The following RPP30 variants were observed in gnomAD, a reference collection of about 807,000 sequenced individuals.
RPP30 encodes ribonuclease P/MRP subunit p30.
A neutral mutation model predicts 38.6 loss-of-function variants in RPP30; 36 were observed. That is an observed-to-expected ratio of 0.93 (90% CI 0.71 to 1.23). The LOEUF (loss-of-function observed/expected upper bound fraction) is 1.23, where lower values mean the gene tolerates loss of function less well. Ranked by LOEUF, RPP30 falls within the 50% of genes most tolerant of loss-of-function variation. RPP30 has a pLI of 0.00. For synonymous variants in RPP30, 126 were observed against 112.7 expected (o/e 1.12, Z -0.75); for missense variants, 321 against 321.7 (o/e 1.00, Z 0.02).
At chr10:90,879,188 T>A in intron 5 of RPP30, 54 bp downstream of exon 5, 3 of 1,385,396 alleles carry the variant, frequency 2.2e-6, no homozygotes, top group Non-Finnish European at 3.1e-6. Context: ...ATAAGAAGTC[T>A]GATGTTCTGA....
intron 6 of RPP30, among the ~76,000 whole-genome samples, chr10:90,892,504 C>G (rs570052840): frequency 6.6e-6 from 1 of 151,996 alleles, no homozygotes; most frequent in African/African-American, 2.4e-5. Flanking sequence ...CCCCTCCCCC[C>G]GCAAAAGTTG....
At chr10:90,902,290 T>C, downstream of RPP30, 1 of 417,130 alleles carries the variant, frequency 2.4e-6, no homozygotes, top group Non-Finnish European at 4.1e-6. Flanking sequence ...CAATCTCGGC[T>C]CACTGCAACC....
At chr10:90,882,397 C>G (rs1393991093) in intron 5 of RPP30, among the ~76,000 whole-genome samples, 2 of 152,164 alleles carry the variant, frequency 1.3e-5, no homozygotes, top group Admixed American at 6.5e-5. Flanking sequence ...TTAAATGGGC[C>G]AGGCATGGTG....
At chr10:90,894,528 C>G (rs2120223841) in intron 6 of RPP30, among the ~76,000 whole-genome samples, 1 of 152,294 alleles carries the variant, frequency 6.6e-6, no homozygotes, top group South Asian at 2.1e-4. Flanking sequence ...CTTCATAATT[C>G]CTGTTTATGT....
intron 5 of RPP30, among the ~76,000 whole-genome samples, chr10:90,885,248 T>C (rs1238272060): frequency 6.6e-6 from 1 of 152,226 alleles, no homozygotes; most frequent in Non-Finnish European, 1.5e-5. Flanking sequence ...TTGTAGTAGC[T>C]CTGCTTTAAC....
At position 90,885,041 on chromosome 10, in the gene RPP30, G is replaced by A. The variant is rs944177522; in HGVS notation, c.343-771G>A. Among the ~76,000 whole-genome samples the A allele has an allele frequency of 2.0e-5, 3 of 151,960 alleles. No homozygotes were observed. The South Asian group carries it at 6.2e-4, about 32-fold the overall frequency. On this transcript the variant is annotated intron_variant, in intron 5 of 10. Coordinates refer to ENST00000371703, the MANE Select transcript of RPP30 (RefSeq NM_006413.5). ...CCTCTACACTAGTAACCTTTTCCCAGCTTTATTTTTCTTCCCTGATTTTCC... is the reference window on the plus strand; with the variant it reads ...CCTCTACACTAGTAACCTTTTCCCAACTTTATTTTTCTTCCCTGATTTTCC...
chr10:90,900,367 G>A (rs1049856386), intron 10 of RPP30, among the ~76,000 whole-genome samples: 2 of 152,202 alleles, frequency 1.3e-5, no homozygotes, highest in Non-Finnish European at 2.9e-5. Context: ...GTAATCTTTA[G>A]GAATGAATTA....
At chr10:90,894,559 C>G (rs1483949605) in intron 6 of RPP30, among the ~76,000 whole-genome samples, 1 of 152,182 alleles carries the variant, frequency 6.6e-6, no homozygotes, top group Admixed American at 6.6e-5. Context: ...TCCCCACAGC[C>G]AAGTTAAACT....
chr10:90,872,012 T>C lies in RPP30; in HGVS notation c.26T>C (p.Leu9Pro). The C allele has an allele frequency of 1.2e-6, 2 of 1,614,152 alleles. No homozygotes were observed. Among genetic ancestry groups the C allele is most frequent in the South Asian group, 1.1e-5 (1 of 91,082 alleles). ...ATGGCGGTGTTTGCAGATTTGGACC[T>C]GCGAGCGGGTTCTGACCTGAAGGCT... MAVFADLD[L>P]RAGSDLKALR... Residue 9 changes from leucine (L) to proline (P), a missense_variant, in exon 1 of 11, where the codon CTG (leucine) becomes CCG (proline). By Grantham distance (98) the Leu-to-Pro change is moderately conservative. Transcript: ENST00000371703.
downstream of RPP30, among the ~76,000 whole-genome samples, chr10:90,903,921 A>T (rs1019183269): frequency 3.9e-5 from 6 of 152,240 alleles, no homozygotes; most frequent in African/African-American, 7.2e-5. Context: ...AATACATGGA[A>T]AGAGACATTC....
At chr10:90,879,199 C>T (rs1846891798) in intron 5 of RPP30, 65 bp downstream of exon 5, 4 of 1,289,762 alleles carry the variant, frequency 3.1e-6, no homozygotes, top group Non-Finnish European at 4.4e-6. Flanking sequence ...GATGTTCTGA[C>T]TTTGTAGATG....
Position 90,878,993 on chromosome 10 carries a change from C to A in RPP30, c.271-70C>A. 4 of 1,259,560 alleles carry A rather than the reference C, an allele frequency of 3.2e-6. No homozygotes were observed. The South Asian group carries it at 3.7e-5, about 12-fold the overall frequency. 78.0% of individuals were successfully genotyped at this position (1,259,560 alleles called of 1,614,324 possible). A position where few individuals can be genotyped will look rare whatever the true frequency, so the allele number is the denominator to read the frequency against. On this transcript the variant is annotated intron_variant, in intron 4 of 10. Coordinates refer to ENST00000371703, the MANE Select transcript of RPP30 (RefSeq NM_006413.5). The stretch of plus-strand genomic sequence containing the variant: ...CCATGATTGAAATATAAGTGTGAGT[C>A]AATCACTAGACAGAATTTCATGTGT...
At chr10:90,876,002 A>C (rs1846846893) in intron 3 of RPP30, 22 bp from the exon 4 acceptor site, 1 of 1,303,426 alleles carries the variant, frequency 7.7e-7, no homozygotes, top group Non-Finnish European at 1.1e-6. Flanking sequence ...TGCTTTTTTG[A>C]CATCATGTCT....
At chr10:90,908,508 TC>T (rs768063369) in exon 5 of RPP30, 8 of 152,198 alleles carry the variant, frequency 5.3e-5, no homozygotes, top group Non-Finnish European at 8.8e-5. Flanking sequence ...CTCGCTCATG[TC>T]ACATTTTGGT....
At position 90,896,387 on chromosome 10, in the gene RPP30, A is replaced by C. The variant is rs112020240; in HGVS notation, c.692A>C (p.His231Pro). 1 of 1,613,774 alleles carries C rather than the reference A, an allele frequency of 6.2e-7. No homozygotes were observed. Among genetic ancestry groups the C allele is most frequent in the Non-Finnish European group, 8.5e-7 (1 of 1,179,676 alleles). ...ACCAACTGCCGAGCAGCGCTTCTCC[A>C]TGGAGGTAAGCAAGTTCTTCCAGTA... is the stretch of plus-strand genomic sequence containing the variant. ...VSTNCRAALL[H>P]GETRKTAFGI... is the part of the protein sequence containing the mutation. The change falls in exon 10 of 11, where the codon CAT becomes CCT. Residue 231 changes from histidine (H) to proline (P), a missense_variant. Coordinates refer to ENST00000371703, the MANE Select transcript of RPP30 (RefSeq NM_006413.5).
intron 1 of RPP30, among the ~76,000 whole-genome samples, chr10:90,872,769 T>C (rs1278128528): frequency 6.6e-6 from 1 of 152,214 alleles, no homozygotes; most frequent in African/African-American, 2.4e-5. Flanking sequence ...CAGCTCATTG[T>C]GAGTTCTGAT....
chr10:90,899,875 T>C (rs1489073789), intron 10 of RPP30, among the ~76,000 whole-genome samples: 3 of 152,214 alleles, frequency 2.0e-5, no homozygotes, highest in African/African-American at 7.2e-5. Context: ...CTTAATACCC[T>C]CTGTATGGAC....
At chr10:90,877,275 C>G (rs892883924) in intron 4 of RPP30, among the ~76,000 whole-genome samples, 1 of 151,944 alleles carries the variant, frequency 6.6e-6, no homozygotes, top group Non-Finnish European at 1.5e-5. Context: ...CCAGTGTACT[C>G]TAGCCTGCGC....
chr10:90,903,789 T>G (rs11186356), downstream of RPP30, among the ~76,000 whole-genome samples: 9,617 of 152,228 alleles, frequency 0.063, 394 homozygotes, highest in African/African-American at 0.11. Flanking sequence ...ATTAATAACC[T>G]GTTAAATAAT....
Sources: allele counts gnomAD v4.1 joint callset (sites outside exome capture counted in the v4.1 genomes callset), GRCh38; gene constraint gnomAD v4.1.1; transcripts MANE v1.5; gene names NCBI Gene and HGNC (gene_info 2026-07-23, HGNC 2026-07-21).